KYAT3: variants seen among roughly 807,000 people sequenced by gnomAD.
KYAT3 encodes the protein kynurenine aminotransferase 3.
KYAT3 carries 50 observed loss-of-function variants against 59.0 expected under a neutral mutation model. That is an observed-to-expected ratio of 0.85 (90% CI 0.68 to 1.07). The LOEUF is 1.07. Ranked by LOEUF, KYAT3 falls within the 50% of genes least tolerant of loss-of-function variation. The pLI is 0.00. For synonymous variants in KYAT3, 148 were observed against 177.0 expected (o/e 0.84, Z 1.30); for missense variants, 497 against 533.3 (o/e 0.93, Z 0.67).
chr1:88,941,528 G>GT (rs149878254), intron 13 of KYAT3, among the ~76,000 whole-genome samples: 1 of 123,286 alleles, frequency 8.1e-6, no homozygotes, highest in African/African-American at 2.7e-5. Context: ...ATTCTAGGCT[G>GT]TTATTTTTTT....
At chr1:88,966,250 T>C (rs1676347268) in intron 4 of KYAT3, among the ~76,000 whole-genome samples, 1 of 152,158 alleles carries the variant, frequency 6.6e-6, no homozygotes, top group Admixed American at 6.6e-5. Flanking sequence ...TAATGAAACT[T>C]TATTTACAAA....
chr1:88,926,472 C>T, the KYAT3 span, among the ~76,000 whole-genome samples: 22 of 152,282 alleles, frequency 1.4e-4, no homozygotes, highest in African/African-American at 5.1e-4. Flanking sequence ...TGCCACCATA[C>T]CTGGTTAATT....
At chr1:88,974,469 C>CTTTTTTTTTT (rs71084932) in intron 2 of KYAT3, among the ~76,000 whole-genome samples, 1 of 69,660 alleles carries the variant, frequency 1.4e-5, no homozygotes, top group Non-Finnish European at 2.5e-5. Flanking sequence ...GTGTCTCTCT[C>CTTTTTTTTTT]TTTTTTTTTT....
intron 8 of KYAT3, 48 bp downstream of exon 8, chr1:88,961,119 A>G: frequency 6.2e-7 from 1 of 1,604,294 alleles, no homozygotes; most frequent in African/African-American, 1.3e-5. Flanking sequence ...GTTCTTCCAT[A>G]TGTGCCCAAA....
chr1:88,955,020 C>T (rs1675847295), intron 9 of KYAT3, 129 bp downstream of exon 9: 1 of 613,030 alleles, frequency 1.6e-6, no homozygotes, highest in Non-Finnish European at 2.9e-6. Flanking sequence ...CCTGCCTTAG[C>T]CTCCCAAAGT....
intron 8 of KYAT3, among the ~76,000 whole-genome samples, chr1:88,956,673 T>C (rs777533976): frequency 5.3e-5 from 8 of 152,132 alleles, no homozygotes; most frequent in Non-Finnish European, 8.8e-5. Flanking sequence ...AGCTGAGACA[T>C]AGAAGACCAC....
chr1:88,978,932 G>C (rs1191160655), intron 2 of KYAT3, among the ~76,000 whole-genome samples: 1 of 152,074 alleles, frequency 6.6e-6, no homozygotes, highest in Non-Finnish European at 1.5e-5. Flanking sequence ...TGGGATTGCA[G>C]GCATGAGCCA....
intron 11 of KYAT3, among the ~76,000 whole-genome samples, chr1:88,947,602 C>A (rs889023126): frequency 1.3e-5 from 2 of 152,166 alleles, no homozygotes; most frequent in African/African-American, 4.8e-5. Flanking sequence ...AACAAGTAGC[C>A]CATGAAAGGC....
At position 88,945,682 on chromosome 1, in the gene KYAT3, AT is replaced by A. The variant is rs1390796604; in HGVS notation, c.1142-2260del. 4.6e-5 allele frequency among the ~76,000 whole-genome samples: 7 copies of A among 152,300 alleles called. No homozygotes were observed. The East Asian group carries it at 9.6e-4, about 21-fold the overall frequency. On this transcript the variant is annotated intron_variant, in intron 11 of 13. Transcript: ENST00000260508. ...TTAATTGTAAAGGGAAGTCATTACT[AT>A]TTTCATGAATATTATGGTTTACTTT...
chr1:88,952,338 T>C (rs149906416), intron 10 of KYAT3, among the ~76,000 whole-genome samples: 206 of 152,302 alleles, frequency 1.4e-3, no homozygotes, highest in Admixed American at 3.9e-3. Context: ...TTTGGATCTG[T>C]GTCTTCATCC....
chr1:88,988,356 TAAATA>T lies in KYAT3; in HGVS notation c.-1-10_-1-6del. 6.3e-7 allele frequency: 1 copy of T among 1,583,682 alleles called. No homozygotes were observed. On this transcript the variant is annotated splice_polypyrimidine_tract_variant and splice_region_variant and intron_variant, in intron 1 of 13. Coordinates refer to ENST00000260508, the MANE Select transcript of KYAT3 (RefSeq NM_001008661.3). ...CTCCTCTGGGCCAAAAACATGCTAT[TAAATA>T]AAAGAAAAATTGAGAAGAGGAATAA...
intron 8 of KYAT3, among the ~76,000 whole-genome samples, chr1:88,957,676 G>A (rs1675972252): frequency 6.6e-6 from 1 of 152,114 alleles, no homozygotes; most frequent in South Asian, 2.1e-4. Context: ...AGTAAATACT[G>A]TTGCATATCT....
At chr1:88,951,193 T>A (rs1170620616) in intron 10 of KYAT3, among the ~76,000 whole-genome samples, 2 of 152,182 alleles carry the variant, frequency 1.3e-5, no homozygotes, top group Non-Finnish European at 2.9e-5. Context: ...TTCCCTATTT[T>A]ATCTTTCTTC....
chr1:88,949,791 G>A (rs754136494), intron 10 of KYAT3, among the ~76,000 whole-genome samples: 1 of 152,152 alleles, frequency 6.6e-6, no homozygotes, highest in Non-Finnish European at 1.5e-5. Context: ...GTGTAAGAGG[G>A]ACTAGAAATG....
intron 9 of KYAT3, among the ~76,000 whole-genome samples, chr1:88,953,508 T>A (rs1181376943): frequency 7.0e-6 from 1 of 143,408 alleles, no homozygotes; most frequent in Non-Finnish European, 1.5e-5. Context: ...ATCACAGCAC[T>A]GCACTCCAAC....
chr1:88,960,020 G>A (rs1676078666), intron 8 of KYAT3, among the ~76,000 whole-genome samples: 1 of 118,274 alleles, frequency 8.5e-6, no homozygotes, highest in South Asian at 3.4e-4. Flanking sequence ...GTGAGCCAGT[G>A]GTGCCTGGGC....
rs1448846444 is a variant in KYAT3, at chr1:88,955,190, T to C, written c.823A>G (p.Ile275Val). The C allele has an allele frequency of 6.2e-7, 1 of 1,612,650 alleles. No homozygotes were observed. Among genetic ancestry groups the C allele is most frequent in the Non-Finnish European group, 8.5e-7 (1 of 1,178,834 alleles). Residue 275 changes from isoleucine (I) to valine (V), a missense_variant, in exon 9 of 14, where the codon ATA becomes GTA. Transcript: ENST00000260508. ...CTGAAAGTCTTTCCAGCACTTCCTA[T>C]TGTTATTGTTCTCTCCCACATACCT... is the stretch of plus-strand genomic sequence containing the variant. ...FPGMWERTIT[I>V]GSAGKTFSVT...
intron 2 of KYAT3, among the ~76,000 whole-genome samples, chr1:88,976,356 CA>C (rs113267795): frequency 2.4e-4 from 33 of 137,386 alleles, no homozygotes; most frequent in Non-Finnish European, 2.2e-4. Flanking sequence ...GACTCCATCT[CA>C]AAAAAAAAAA....
At chr1:88,958,322 T>C (rs1334081480) in intron 8 of KYAT3, among the ~76,000 whole-genome samples, 1 of 151,946 alleles carries the variant, frequency 6.6e-6, no homozygotes, top group Non-Finnish European at 1.5e-5. Flanking sequence ...TCAAATGCTA[T>C]ACTCTATAGT....
Sources: allele counts gnomAD v4.1 joint callset (sites outside exome capture counted in the v4.1 genomes callset), GRCh38; gene constraint gnomAD v4.1.1; transcripts MANE v1.5; gene names NCBI Gene and HGNC (gene_info 2026-07-23, HGNC 2026-07-21).